The following MTUS1 variants were observed in gnomAD, a reference collection of about 807,000 sequenced individuals.
MTUS1 encodes microtubule associated scaffold protein 1.
In MTUS1, 109 loss-of-function variants were observed where a neutral mutation model predicts 120.8. The observed-to-expected ratio is 0.90, with a 90% CI of 0.77 to 1.06. MTUS1 has a LOEUF of 1.06. MTUS1 is among the 50% of genes least tolerant of loss of function. The pLI, the probability that MTUS1 is intolerant of heterozygous loss-of-function variation, is 0.00. For missense variants in MTUS1, 2,210 were observed against 1,486.3 expected (o/e 1.49, Z -8.01); for synonymous variants, 737 against 550.5 (o/e 1.34, Z -4.74).
intron 7 of MTUS1, among the ~76,000 whole-genome samples, chr8:17,678,975 G>T (rs915123676): frequency 3.3e-5 from 5 of 152,196 alleles, no homozygotes; most frequent in African/African-American, 1.2e-4. Context: ...TAACTTTAGT[G>T]TGTCTTCTGC....
chr8:17,715,344 A>T (rs1585902791), intron 5 of MTUS1, among the ~76,000 whole-genome samples: 3 of 152,286 alleles, frequency 2.0e-5, no homozygotes, highest in Non-Finnish European at 4.4e-5. Flanking sequence ...GAGGGATATG[A>T]GAAGGAACAG....
chr8:17,672,952 T>G (rs758106570), intron 8 of MTUS1, among the ~76,000 whole-genome samples: 1 of 152,192 alleles, frequency 6.6e-6, no homozygotes, highest in Non-Finnish European at 1.5e-5. Flanking sequence ...CATCCTTCAT[T>G]GAAGCAGAGC....
intron 6 of MTUS1, among the ~76,000 whole-genome samples, chr8:17,687,165 C>G (rs1342536798): frequency 1.3e-5 from 2 of 152,060 alleles, no homozygotes; most frequent in Non-Finnish European, 2.9e-5. Flanking sequence ...AGCAAATGAG[C>G]CAACAGACTG....
At chr8:17,716,271 G>A (rs1822311597) in intron 4 of MTUS1, among the ~76,000 whole-genome samples, 1 of 152,180 alleles carries the variant, frequency 6.6e-6, no homozygotes, top group East Asian at 1.9e-4. Context: ...GGACAAGGAA[G>A]AATTCGCACA....
chr8:17,787,945 C>A (rs564245158), intron 1 of MTUS1, among the ~76,000 whole-genome samples: 1 of 152,174 alleles, frequency 6.6e-6, no homozygotes, highest in African/African-American at 2.4e-5. Flanking sequence ...CATGGTGAAA[C>A]CCCACCTGCA....
intron 1 of MTUS1, among the ~76,000 whole-genome samples, chr8:17,757,701 AT>A (rs1412022939): frequency 1.3e-5 from 2 of 151,962 alleles, no homozygotes; most frequent in African/African-American, 4.8e-5. Context: ...TGATTTTTGT[AT>A]TTTTAGTAGA....
chr8:17,711,908 T>C (rs1012930550), intron 6 of MTUS1, among the ~76,000 whole-genome samples: 1 of 152,154 alleles, frequency 6.6e-6, no homozygotes, highest in Non-Finnish European at 1.5e-5. Context: ...GGGAGAGAGA[T>C]GGAAGAGGGA....
chr8:17,706,571 C>G (rs1263925183), intron 6 of MTUS1, among the ~76,000 whole-genome samples: 1 of 152,096 alleles, frequency 6.6e-6, no homozygotes, highest in Non-Finnish European at 1.5e-5. Context: ...AGCCAGGTGT[C>G]TTTTATGTCA....
intron 6 of MTUS1, among the ~76,000 whole-genome samples, chr8:17,697,067 C>G (rs1818115194): frequency 6.6e-6 from 1 of 152,166 alleles, no homozygotes; most frequent in Non-Finnish European, 1.5e-5. Context: ...AATCTGCTGC[C>G]AAAAGTAAAA....
In MTUS1 at chr8:17,719,350, G is replaced by A. The variant is rs1822957151; in HGVS notation, c.2450-3449C>T. On this transcript the variant is annotated intron_variant, in intron 4 of 14. Transcript: ENST00000693296. ...CAGTTTAACACTCCCCACTGTGCCA[G>A]ATCATCTGCCCACTTGGCTTAAAAT... Among the ~76,000 whole-genome samples the A allele has an allele frequency of 2.0e-5, 3 of 152,300 alleles. No individual in the cohort carries two copies. The South Asian group carries it at 6.2e-4, about 32-fold the overall frequency.
At chr8:17,703,313 C>T (rs908493983) in intron 6 of MTUS1, among the ~76,000 whole-genome samples, 5 of 152,154 alleles carry the variant, frequency 3.3e-5, no homozygotes, top group East Asian at 1.9e-4. Context: ...TATAAACGGC[C>T]GCTCTGGGAG....
chr8:17,796,919 T>A (rs2052287283), intron 1 of MTUS1, among the ~76,000 whole-genome samples: 1 of 152,076 alleles, frequency 6.6e-6, no homozygotes, highest in Non-Finnish European at 1.5e-5. Context: ...CGAGACCAAG[T>A]TGGCCAACAT....
chr8:17,663,717 C>T (rs559508213), intron 8 of MTUS1, among the ~76,000 whole-genome samples: 2 of 151,938 alleles, frequency 1.3e-5, no homozygotes, highest in Non-Finnish European at 2.9e-5. Context: ...TGCCTCAGCC[C>T]CCTGAGTAGC....
chr8:17,739,235 T>C (rs1011992884), intron 3 of MTUS1, among the ~76,000 whole-genome samples: 1 of 152,184 alleles, frequency 6.6e-6, no homozygotes, highest in Non-Finnish European at 1.5e-5. Context: ...GGCTCACTCC[T>C]GTAATCCCAG....
At chr8:17,748,754 G>A (rs140293612) in intron 2 of MTUS1, among the ~76,000 whole-genome samples, 10 of 152,238 alleles carry the variant, frequency 6.6e-5, no homozygotes, top group Admixed American at 2.0e-4. Flanking sequence ...CACCCCCATC[G>A]CAAGTTTTAC....
At chr8:17,775,972 A>G (rs570946912) in intron 1 of MTUS1, among the ~76,000 whole-genome samples, 1 of 152,344 alleles carries the variant, frequency 6.6e-6, no homozygotes, top group Non-Finnish European at 1.5e-5. Flanking sequence ...CTGCAGGCAA[A>G]GAATGACACA....
Position 17,657,382 on chromosome 8 carries a change from A to C in MTUS1, c.2906-1317T>G, listed in dbSNP as rs530136119. On this transcript the variant is annotated intron_variant, in intron 8 of 14. Coordinates refer to ENST00000693296, the MANE Select transcript of MTUS1 (RefSeq NM_001363059.2). ...AGGAGATCGAGACCATCCCGGCTAA[A>C]ACGGTGAAACCCCGTCTCTACTAAA... is the stretch of plus-strand genomic sequence containing the variant. Among the ~76,000 whole-genome samples the C allele has an allele frequency of 3.0e-4, 45 of 151,120 alleles. 1 individual carries two copies. The South Asian group carries it at 5.5e-3, about 18-fold the overall frequency.
At chr8:17,649,335 G>A (rs890016468) in intron 13 of MTUS1, among the ~76,000 whole-genome samples, 6 of 152,178 alleles carry the variant, frequency 3.9e-5, no homozygotes, top group African/African-American at 1.4e-4. Flanking sequence ...TGGCATTAGA[G>A]GAATGAGCCA....
intron 1 of MTUS1, among the ~76,000 whole-genome samples, chr8:17,782,134 T>C (rs2131529394): frequency 1.3e-5 from 2 of 152,316 alleles, no homozygotes; most frequent in Middle Eastern, 6.8e-3. Context: ...AGCCAGGAAA[T>C]TTCAAACAAC....
Sources: gnomAD v4.1 joint callset for allele counts (sites outside exome capture counted in the v4.1 genomes callset) on GRCh38, gnomAD v4.1.1 for gene constraint, MANE v1.5 for transcripts, NCBI Gene and HGNC (gene_info 2026-07-23, HGNC 2026-07-21) for gene names.